The following ABRAXAS1 variants were observed in gnomAD, a reference collection of about 807,000 sequenced individuals.
The protein encoded by ABRAXAS1 is abraxas 1, BRCA1 A complex subunit, also known as BRCA1-A complex subunit Abraxas 1.
ABRAXAS1 carries 26 observed loss-of-function variants against 38.4 expected under a neutral mutation model. The observed-to-expected ratio is 0.68, with a 90% confidence interval of 0.50 to 0.94. The LOEUF is 0.94. ABRAXAS1 is among the 40% of genes least tolerant of loss of function. The pLI is 0.00. For synonymous variants in ABRAXAS1, 144 were observed against 165.5 expected, an observed-to-expected ratio of 0.87 and a Z score of 1.00; for missense variants, 438 against 481.9, an observed-to-expected ratio of 0.91 and a Z score of 0.85.
At chr4:83,481,636 T>C (rs1723003492) in intron 2 of ABRAXAS1, among the ~76,000 whole-genome samples, 1 of 152,258 alleles carries the variant, frequency 6.6e-6, no homozygotes, top group South Asian at 2.1e-4. Flanking sequence ...AGTAATCTTA[T>C]CTGCTTCCTA....
Position 83,484,981 on chromosome 4 carries a change from C to T in ABRAXAS1, c.87+5G>A. On this transcript the variant is annotated splice_donor_5th_base_variant and intron_variant, in intron 1 of 8. Coordinates refer to ENST00000321945, the MANE Select transcript of ABRAXAS1 (RefSeq NM_139076.3). ...CGCCGGACCCCGCCCCGTCCCTCGG[C>T]TCACCGTGTCCGAGTCCGTGTTGAG... The T allele has an allele frequency of 6.3e-7, 1 of 1,575,840 alleles. No homozygotes were observed. Among genetic ancestry groups the T allele is most frequent in the Non-Finnish European group, 8.6e-7 (1 of 1,160,286 alleles).
intron 4 of ABRAXAS1, 46 bp from the exon 5 acceptor site, chr4:83,470,442 A>T: frequency 7.3e-7 from 1 of 1,361,378 alleles, no homozygotes; most frequent in South Asian, 1.3e-5. Flanking sequence ...AGTTACAATG[A>T]TATGTCTTAC....
At chr4:83,484,198 G>C in intron 1 of ABRAXAS1, 2 of 984,980 alleles carry the variant, frequency 2.0e-6, no homozygotes, top group Non-Finnish European at 2.4e-6. Flanking sequence ...TAAAATAGAC[G>C]TTATATCTTA....
intron 5 of ABRAXAS1, chr4:83,469,868 A>G (rs1026379082): frequency 5.8e-6 from 1 of 171,080 alleles, no homozygotes; most frequent in African/African-American, 2.4e-5. Context: ...AGTTATAGAA[A>G]AACTGCTGAA....
chr4:83,470,125 T>C (rs1722524518), intron 5 of ABRAXAS1, 78 bp downstream of exon 5: 9 of 1,110,910 alleles, frequency 8.1e-6, no homozygotes, highest in Non-Finnish European at 1.1e-5. Flanking sequence ...GAGAACACTT[T>C]GTAAGCTGCA....
At chr4:83,476,159 G>A (rs759009941) in intron 3 of ABRAXAS1, among the ~76,000 whole-genome samples, 3 of 152,110 alleles carry the variant, frequency 2.0e-5, no homozygotes, top group South Asian at 2.1e-4. Context: ...CTGTGTTCAC[G>A]CCACTGCACT....
chr4:83,465,576 G>T (rs1009475695), intron 7 of ABRAXAS1, among the ~76,000 whole-genome samples: 22 of 152,068 alleles, frequency 1.4e-4, no homozygotes, highest in African/African-American at 5.3e-4. Flanking sequence ...TTGCTTGAGC[G>T]CAGGGGATGG....
intron 2 of ABRAXAS1, chr4:83,478,235 G>A (rs971080357): frequency 1.6e-5 from 11 of 683,264 alleles, no homozygotes; most frequent in Non-Finnish European, 2.5e-5. Context: ...AGGCACTCAC[G>A]TGATGAACCA....
At chr4:83,467,279 G>C in intron 7 of ABRAXAS1, 175 bp downstream of exon 7, 1 of 511,008 alleles carries the variant, frequency 2.0e-6, no homozygotes, top group South Asian at 2.5e-5. Context: ...GTATATGTTT[G>C]CACAATGATA....
At chr4:83,472,761 G>C (rs1722630028) in intron 3 of ABRAXAS1, among the ~76,000 whole-genome samples, 2 of 152,260 alleles carry the variant, frequency 1.3e-5, no homozygotes, top group South Asian at 4.1e-4. Flanking sequence ...GGGTTTTTTG[G>C]GGTGGGGGAA....
rs587780263 is a variant in ABRAXAS1, at chr4:83,462,591, A to G, written c.1108T>C (p.Ser370Pro). The part of the protein sequence containing the change: ...SRLLDTQDKR[S>P]KADTGSSNQD... ...TTACTACTACCAGTATCTGCTTTAGATCGTTTGTCTTGTGTATCTAACAAC... is the reference window on the plus strand; with the variant it reads ...TTACTACTACCAGTATCTGCTTTAGGTCGTTTGTCTTGTGTATCTAACAAC... The change falls in exon 9 of 9, where the codon TCT becomes CCT. Residue 370 changes from serine (S) to proline (P), a missense_variant. Ser to Pro is a moderately conservative substitution (Grantham distance 74). Transcript: ENST00000321945. The G allele has an allele frequency of 6.2e-7, 1 of 1,613,876 alleles. No individual in the cohort carries two copies. Among genetic ancestry groups the G allele is most frequent in the Non-Finnish European group, 8.5e-7 (1 of 1,179,994 alleles).
chr4:83,464,561 C>A (rs1722276185), intron 7 of ABRAXAS1, among the ~76,000 whole-genome samples: 1 of 152,048 alleles, frequency 6.6e-6, no homozygotes, highest in Non-Finnish European at 1.5e-5. Context: ...AGTTGTTTTG[C>A]CAGTTTTAGT....
chr4:83,463,256 C>T (rs1017628547), intron 8 of ABRAXAS1, among the ~76,000 whole-genome samples: 1 of 151,926 alleles, frequency 6.6e-6, no homozygotes, highest in Non-Finnish European at 1.5e-5. Flanking sequence ...ATGGTGAAAC[C>T]CTGTCTCTAT....
In ABRAXAS1 at chr4:83,468,942, C is replaced by T. The variant is rs929718924; in HGVS notation, c.596+90G>A. The T allele has an allele frequency of 5.4e-6, 8 of 1,475,610 alleles. No individual in the cohort carries two copies. The African/African-American group carries it at 9.8e-5, about 18-fold the overall frequency. 91.4% of individuals were successfully genotyped at this position (1,475,610 alleles called of 1,614,324 possible). A position where few individuals can be genotyped will look rare whatever the true frequency, so the allele number is the denominator to read the frequency against. On this transcript the variant is annotated intron_variant, in intron 6 of 8. Coordinates refer to ENST00000321945, the MANE Select transcript of ABRAXAS1 (RefSeq NM_139076.3). ...TACTTGAGTAATGGATTAATTTTCCCTTGAATTTTTATTCTGCTGTTGTTT... is the reference window on the plus strand; with the variant it reads ...TACTTGAGTAATGGATTAATTTTCCTTTGAATTTTTATTCTGCTGTTGTTT...
intron 1 of ABRAXAS1, among the ~76,000 whole-genome samples, chr4:83,484,498 G>A (rs1395339952): frequency 6.6e-6 from 1 of 152,202 alleles, no homozygotes. Flanking sequence ...ACTAAGATTT[G>A]CCACTGGACG....
chr4:83,468,877 G>T (rs1250720683), intron 6 of ABRAXAS1, among the ~76,000 whole-genome samples, 155 bp downstream of exon 6: 2 of 152,054 alleles, frequency 1.3e-5, no homozygotes, highest in Non-Finnish European at 2.9e-5. Flanking sequence ...AAGTACACAA[G>T]CAGTAACAGG....
chr4:83,462,827 G>A lies in ABRAXAS1; in HGVS notation c.872C>T (p.Ser291Phe). The A allele has an allele frequency of 1.2e-6, 2 of 1,608,828 alleles. No homozygotes were observed. Among genetic ancestry groups the A allele is most frequent in the Non-Finnish European group, 1.7e-6 (2 of 1,178,584 alleles). Residue 291 changes from serine to phenylalanine, a missense_variant, in exon 9 of 9, where the codon TCT (serine) becomes TTT (phenylalanine). Around this residue, in one of 3 missense-constraint regions of ABRAXAS1, gnomAD observed 184 missense variants for 181.9 expected, o/e 1.01. Transcript: ENST00000321945. ...CQALRTFFPN[S>F]EFLHSCVMSL... Reference sequence around the variant, plus strand: ...CATAACACATGAATGAAGAAATTCAGAATTTGGAAAAAAGGTCCGTAATGC... The same window carrying A: ...CATAACACATGAATGAAGAAATTCAAAATTTGGAAAAAAGGTCCGTAATGC...
At chr4:83,476,925 G>A (rs574335723) in intron 2 of ABRAXAS1, among the ~76,000 whole-genome samples, 1 of 152,102 alleles carries the variant, frequency 6.6e-6, no homozygotes, top group Admixed American at 6.6e-5. Flanking sequence ...CCAGAGCCTC[G>A]CCTGGAACCA....
chr4:83,480,319 C>A, intron 2 of ABRAXAS1: 1 of 390,134 alleles, frequency 2.6e-6, no homozygotes, highest in Non-Finnish European at 5.0e-6. Context: ...TTGCAGTGAG[C>A]CGAGATCATG....
Sources: allele counts gnomAD v4.1 joint callset (sites outside exome capture counted in the v4.1 genomes callset), GRCh38; gene constraint gnomAD v4.1.1; regional missense constraint gnomAD v4.1.1; transcripts MANE v1.5; gene names NCBI Gene and HGNC (gene_info 2026-07-23, HGNC 2026-07-21).